The following ASTN2 variants were observed in gnomAD, a reference collection of about 807,000 sequenced individuals.
ASTN2 encodes the protein astrotactin-2.
In ASTN2, 54 loss-of-function variants were observed where a neutral mutation model predicts 139.8. The ratio of observed to expected loss-of-function variants is 0.39; its 90% confidence interval spans 0.31 to 0.48. The LOEUF is 0.48. Ranked by LOEUF, ASTN2 falls within the 20% of genes least tolerant of loss-of-function variation. The probability of loss-of-function intolerance (pLI) is 0.95; values close to 1 mark genes in which losing one functional copy is unlikely to be tolerated. For synonymous variants in ASTN2, 756 were observed against 719.5 expected, an observed-to-expected ratio of 1.05 and a Z score of -0.81; for missense variants, 1,565 against 1,725.1, an observed-to-expected ratio of 0.91 and a Z score of 1.64.
chr9:117,201,351 T>A lies in ASTN2; in HGVS notation c.1015+13007A>T, dbSNP rs148033915. ...CTGGATTCGTTCAGTTTTTGGAGGG[T>A]TTTTCATGTCTCTATCTCCTTCAAT... On this transcript the variant is annotated intron_variant, in intron 3 of 22. Coordinates refer to ENST00000313400, the MANE Select transcript of ASTN2 (RefSeq NM_001365068.1). Among the ~76,000 whole-genome samples the A allele has an allele frequency of 2.0e-3, 301 of 152,030 alleles. 3 individuals are homozygous for A. The highest frequency in any genetic ancestry group is 7.0e-3 in the African/African-American group (292 of 41,472).
chr9:116,998,219 A>G (rs146073748), intron 7 of ASTN2, among the ~76,000 whole-genome samples: 2 of 152,262 alleles, frequency 1.3e-5, no homozygotes, highest in Admixed American at 6.5e-5. Flanking sequence ...GTGGAGAGCA[A>G]TATGGGTTCT....
chr9:116,800,526 G>A (rs1012382314), intron 13 of ASTN2, among the ~76,000 whole-genome samples: 1 of 152,172 alleles, frequency 6.6e-6, no homozygotes, highest in Non-Finnish European at 1.5e-5. Flanking sequence ...CCATGGAGTG[G>A]TCTTTGCCTA....
chr9:116,895,785 A>G (rs1392939331), intron 10 of ASTN2, among the ~76,000 whole-genome samples: 1 of 152,210 alleles, frequency 6.6e-6, no homozygotes, highest in Non-Finnish European at 1.5e-5. Context: ...CATAAATATC[A>G]GAAAAATGGA....
intron 19 of ASTN2, among the ~76,000 whole-genome samples, chr9:116,539,339 G>C (rs1851780960): frequency 6.6e-6 from 1 of 151,280 alleles, no homozygotes; most frequent in South Asian, 2.1e-4. Flanking sequence ...TGTATGGTAT[G>C]TAAATTATAT....
At chr9:116,831,396 T>C (rs554934902) in intron 11 of ASTN2, among the ~76,000 whole-genome samples, 61 of 135,604 alleles carry the variant, frequency 4.5e-4, no homozygotes, top group Admixed American at 2.1e-3. Context: ...TATTAGCTGA[T>C]TTTTTCTTTT....
At chr9:117,325,282 G>A (rs1828477898) in intron 1 of ASTN2, among the ~76,000 whole-genome samples, 1 of 152,110 alleles carries the variant, frequency 6.6e-6, no homozygotes, top group East Asian at 1.9e-4. Context: ...TATCCACATG[G>A]GGATGTCTGG....
In ASTN2 at chr9:117,113,434, T is replaced by C. The variant is rs538988074; in HGVS notation, c.1169-17283A>G. ...ACATTGGGAGGCCAAGCAGGGTGGATCACCTGAGGTCAGAAGTTCAAGACC... is the reference window on the plus strand; with the variant it reads ...ACATTGGGAGGCCAAGCAGGGTGGACCACCTGAGGTCAGAAGTTCAAGACC... On this transcript the variant is annotated intron_variant, in intron 4 of 22. Coordinates refer to ENST00000313400, the MANE Select transcript of ASTN2 (RefSeq NM_001365068.1). Among the ~76,000 whole-genome samples the C allele has an allele frequency of 4.6e-5, 7 of 152,248 alleles. No individual in the cohort carries two copies. The East Asian group carries it at 1.4e-3, about 29-fold the overall frequency.
rs2184542 is a variant in ASTN2, at chr9:117,315,914, T to C, written c.443-24401A>G. Among the ~76,000 whole-genome samples the C allele has an allele frequency of 9.9e-4, 151 of 152,300 alleles. 4 individuals are homozygous for C. The East Asian group carries it at 0.018, about 18-fold the overall frequency. On this transcript the variant is annotated intron_variant, in intron 1 of 22. Coordinates refer to ENST00000313400, the MANE Select transcript of ASTN2 (RefSeq NM_001365068.1). ...TATAGGCTCCCCTGACTACACAAAA[T>C]TGTGGGCAGATGGTAGTCATAATAG...
chr9:116,995,001 A>T (rs1836972217), intron 7 of ASTN2, among the ~76,000 whole-genome samples: 1 of 152,174 alleles, frequency 6.6e-6, no homozygotes, highest in South Asian at 2.1e-4. Flanking sequence ...CTCTGAGAAA[A>T]ACAGAAGTGT....
intron 19 of ASTN2, among the ~76,000 whole-genome samples, chr9:116,575,294 T>A (rs574727042): frequency 1.4e-5 from 2 of 147,630 alleles, no homozygotes; most frequent in African/African-American, 2.5e-5. Flanking sequence ...AATGTATAAT[T>A]AAAAAAAAAA....
At chr9:117,307,260 A>T (rs750295165) in intron 1 of ASTN2, among the ~76,000 whole-genome samples, 1 of 152,238 alleles carries the variant, frequency 6.6e-6, no homozygotes, top group African/African-American at 2.4e-5. Context: ...ATATGTTCAC[A>T]TATGGCTGTT....
chr9:116,497,622 C>A (rs542825168), intron 19 of ASTN2, among the ~76,000 whole-genome samples: 1 of 152,146 alleles, frequency 6.6e-6, no homozygotes, highest in African/African-American at 2.4e-5. Context: ...TAAAAGCCCT[C>A]GTCATCCCCA....
chr9:117,266,971 A>C (rs1328391340), intron 2 of ASTN2, among the ~76,000 whole-genome samples: 1 of 152,158 alleles, frequency 6.6e-6, no homozygotes, highest in Non-Finnish European at 1.5e-5. Context: ...TCTAAATAAT[A>C]GAGTGTGGAA....
chr9:116,656,869 G>A (rs918893012), intron 16 of ASTN2, among the ~76,000 whole-genome samples: 1 of 152,170 alleles, frequency 6.6e-6, no homozygotes, highest in Non-Finnish European at 1.5e-5. Context: ...CGGCAACGGT[G>A]CAGGGTGCTG....
At chr9:117,276,358 A>C (rs1315149389) in intron 2 of ASTN2, among the ~76,000 whole-genome samples, 3 of 152,174 alleles carry the variant, frequency 2.0e-5, no homozygotes, top group African/African-American at 7.2e-5. Context: ...TGTTGCAATC[A>C]TTCTGATGGC....
chr9:116,668,661 T>C (rs1006975919), intron 16 of ASTN2, among the ~76,000 whole-genome samples: 1 of 152,240 alleles, frequency 6.6e-6, no homozygotes, highest in South Asian at 2.1e-4. Flanking sequence ...TGGACAATTA[T>C]GAATAAAGCT....
intron 16 of ASTN2, among the ~76,000 whole-genome samples, chr9:116,681,850 C>G (rs1276026969): frequency 1.3e-5 from 2 of 151,134 alleles, no homozygotes; most frequent in East Asian, 3.9e-4. Flanking sequence ...GGATCCCTTC[C>G]TTACACCTTA....
At position 117,383,919 on chromosome 9, in the gene ASTN2, T is replaced by C. The variant is rs148330431; in HGVS notation, c.442+30578A>G. On this transcript the variant is annotated intron_variant, in intron 1 of 22. Transcript: ENST00000313400. ...CCTGTTGCTTGGCATATTGTAACAA[T>C]GGCTTTTATTTACTGCACTTCCATT... Among the ~76,000 whole-genome samples, 483 of 152,300 alleles carry C rather than the reference T, an allele frequency of 3.2e-3. 4 individuals carry two copies. The highest frequency in any genetic ancestry group is 0.011 in the African/African-American group (455 of 41,562).
intron 19 of ASTN2, among the ~76,000 whole-genome samples, chr9:116,513,065 CT>C (rs1411238174): frequency 6.6e-6 from 1 of 152,138 alleles, no homozygotes; most frequent in Non-Finnish European, 1.5e-5. Context: ...GGTTATTTTG[CT>C]TGTTAGTTGA....
Sources: allele counts gnomAD v4.1 joint callset (sites outside exome capture counted in the v4.1 genomes callset), GRCh38; gene constraint gnomAD v4.1.1; transcripts MANE v1.5; gene names NCBI Gene and HGNC (gene_info 2026-07-23, HGNC 2026-07-21).